Variants in PTPN13 observed in about 807,000 individuals in gnomAD.
PTPN13 encodes tyrosine-protein phosphatase non-receptor type 13.
In PTPN13, 191 loss-of-function variants were observed where a neutral mutation model predicts 284.0. That is an observed-to-expected ratio of 0.67 (90% CI 0.60 to 0.76). The LOEUF is 0.76. PTPN13 is among the 30% of genes least tolerant of loss of function. The pLI is 0.00. For missense variants in PTPN13, 2,797 were observed against 2,939.9 expected, an observed-to-expected ratio of 0.95 and a Z score of 1.12; for synonymous variants, 986 against 1,022.3, an observed-to-expected ratio of 0.96 and a Z score of 0.68.
chr4:86,738,128 G>T (rs1439926420), intron 15 of PTPN13, among the ~76,000 whole-genome samples: 1 of 150,374 alleles, frequency 6.7e-6, no homozygotes. Context: ...TACATAATTT[G>T]CTTATTCTTT....
At chr4:86,731,397 A>G (rs1734942671) in intron 10 of PTPN13, among the ~76,000 whole-genome samples, 1 of 152,230 alleles carries the variant, frequency 6.6e-6, no homozygotes, top group South Asian at 2.1e-4. Context: ...ATTGAGAAGC[A>G]CTAAATACAG....
intron 40 of PTPN13, among the ~76,000 whole-genome samples, chr4:86,787,623 A>G (rs1001433859): frequency 6.6e-6 from 1 of 152,106 alleles, no homozygotes; most frequent in African/African-American, 2.4e-5. Flanking sequence ...TTTTAAAAAC[A>G]TATTTATCTT....
intron 1 of PTPN13, among the ~76,000 whole-genome samples, chr4:86,603,542 G>C (rs1348810712): frequency 6.6e-6 from 1 of 152,066 alleles, no homozygotes; most frequent in Non-Finnish European, 1.5e-5. Context: ...ATTTCTCACA[G>C]AACTTTAAAT....
intron 1 of PTPN13, among the ~76,000 whole-genome samples, chr4:86,613,950 C>G (rs542518836): frequency 3.3e-5 from 5 of 152,158 alleles, no homozygotes; most frequent in African/African-American, 1.2e-4. Flanking sequence ...GATTGTGCAA[C>G]AGGGAGTAAG....
intron 12 of PTPN13, 137 bp downstream of exon 12, chr4:86,732,903 T>G: frequency 1.8e-6 from 1 of 560,584 alleles, no homozygotes; most frequent in South Asian, 6.5e-5. Flanking sequence ...AGTTAGGAAC[T>G]CCCTTTCTTC....
intron 20 of PTPN13, 57 bp downstream of exon 20, chr4:86,753,122 A>G (rs1422110044): frequency 2.2e-6 from 3 of 1,359,442 alleles, no homozygotes; most frequent in South Asian, 2.5e-5. Context: ...CCTTACTGAG[A>G]TAGTCTTGGA....
intron 2 of PTPN13, among the ~76,000 whole-genome samples, chr4:86,665,957 C>T (rs981996615): frequency 6.6e-6 from 1 of 152,174 alleles, no homozygotes; most frequent in Admixed American, 6.5e-5. Flanking sequence ...TTATATGGCA[C>T]TTACTGCTGT....
chr4:86,795,777 A>G (rs1743267116), intron 40 of PTPN13, among the ~76,000 whole-genome samples: 1 of 152,158 alleles, frequency 6.6e-6, no homozygotes, highest in South Asian at 2.1e-4. Context: ...TTCTAAGCAA[A>G]CTATCACAAG....
intron 3 of PTPN13, among the ~76,000 whole-genome samples, chr4:86,683,313 G>T (rs762823689): frequency 2.0e-5 from 3 of 152,172 alleles, no homozygotes; most frequent in Non-Finnish European, 4.4e-5. Flanking sequence ...GAGTCCGAAG[G>T]TCAGAGAAAC....
chr4:86,719,974 G>A (rs1203593752), intron 9 of PTPN13, among the ~76,000 whole-genome samples: 1 of 152,142 alleles, frequency 6.6e-6, no homozygotes, highest in Non-Finnish European at 1.5e-5. Flanking sequence ...AACAACAAAA[G>A]TAAGCCAATA....
intron 26 of PTPN13, among the ~76,000 whole-genome samples, chr4:86,765,923 G>A (rs571353159): frequency 1.3e-5 from 2 of 152,062 alleles, no homozygotes; most frequent in Non-Finnish European, 2.9e-5. Context: ...CGCCTCCTGG[G>A]TTCAAATGAT....
intron 24 of PTPN13, 86 bp downstream of exon 24, chr4:86,763,276 G>C: frequency 9.0e-7 from 1 of 1,107,694 alleles, no homozygotes; most frequent in South Asian, 1.5e-5. Context: ...TAATCTACAA[G>C]ATGCTTTCAT....
chr4:86,775,158 CTTGTTT>C lies in PTPN13; in HGVS notation c.5509-8_5509-3del. 1 of 1,565,014 alleles carries C rather than the reference CTTGTTT, an allele frequency of 6.4e-7. No homozygotes were observed. The highest frequency in any genetic ancestry group is 8.6e-7 in the Non-Finnish European group (1 of 1,159,330). ...AATTGTGATCTTCACATGCCCCTTT[CTTGTTT>C]TTGTAGGTTAATGATACAGATGTTA... On this transcript the variant is annotated splice_polypyrimidine_tract_variant and splice_region_variant and intron_variant, in intron 33 of 47. Coordinates refer to ENST00000411767, the MANE Select transcript of PTPN13 (RefSeq NM_080683.3).
At chr4:86,716,731 T>C in intron 8 of PTPN13, 106 bp downstream of exon 8, 2 of 916,852 alleles carry the variant, frequency 2.2e-6, no homozygotes, top group Admixed American at 3.1e-5. Context: ...AATAATACTG[T>C]ATAAAATTGA....
intron 1 of PTPN13, among the ~76,000 whole-genome samples, chr4:86,596,323 A>C (rs1315918530): frequency 6.6e-6 from 1 of 152,178 alleles, no homozygotes; most frequent in African/African-American, 2.4e-5. Context: ...CACCATTTTT[A>C]CTTGCATGTA....
Position 86,701,373 on chromosome 4 carries a change from A to G in PTPN13, c.767A>G (p.Lys256Arg), listed in dbSNP as rs760599055. ...GATACACAAGATGAGAATTATTTCAAGGACATTTTATCAGATAATTCTGGA... is the reference window on the plus strand; with the variant it reads ...GATACACAAGATGAGAATTATTTCAGGGACATTTTATCAGATAATTCTGGA... ...IKDTQDENYFKDILSDNSGRE... is the reference protein window; with the variant it reads ...IKDTQDENYFRDILSDNSGRE... Residue 256 changes from lysine (K) to arginine (R), a missense_variant, in exon 7 of 48, where the codon AAG becomes AGG. Physicochemically the swap from Lys to Arg is conservative, Grantham distance 26. Coordinates refer to ENST00000411767, the MANE Select transcript of PTPN13 (RefSeq NM_080683.3). 2 of 1,613,248 alleles carry G rather than the reference A, an allele frequency of 1.2e-6. No homozygotes were observed. The highest frequency in any genetic ancestry group is 1.3e-5 in the African/African-American group (1 of 75,056).
Position 86,762,896 on chromosome 4 carries a change from A to G in PTPN13, c.3723A>G (p.Glu1241=). 1 of 1,613,960 alleles carries G rather than the reference A, an allele frequency of 6.2e-7. No homozygotes were observed. Among genetic ancestry groups the G allele is most frequent in the Non-Finnish European group, 8.5e-7 (1 of 1,179,858 alleles). The change falls in exon 24 of 48, where the codon GAA becomes GAG. Residue 1241 remains glutamate (E), a synonymous_variant. Transcript: ENST00000411767. ...NSFGPSGGLR[E]GSLSSQDSRT... is the part of the protein sequence containing the mutation. ...TTGGGCCATCTGGGGGCCTGCGGGA[A>G]GGAAGCCTGAGTTCTCAAGATTCCA...
chr4:86,652,683 G>A (rs1269880548), intron 2 of PTPN13, among the ~76,000 whole-genome samples: 1 of 152,028 alleles, frequency 6.6e-6, no homozygotes, highest in Admixed American at 6.6e-5. Context: ...CTGCTTTTAG[G>A]ATCCTTTCTT....
intron 40 of PTPN13, among the ~76,000 whole-genome samples, chr4:86,790,391 G>A (rs1353579917): frequency 1.3e-5 from 2 of 152,148 alleles, no homozygotes; most frequent in Non-Finnish European, 2.9e-5. Context: ...GTGTGTGTGG[G>A]CACACAGTGG....
Sources: gnomAD v4.1 joint callset for allele counts (sites outside exome capture counted in the v4.1 genomes callset) on GRCh38, gnomAD v4.1.1 for gene constraint, MANE v1.5 for transcripts, NCBI Gene and HGNC (gene_info 2026-07-23, HGNC 2026-07-21) for gene names.